Variants in RCAN2 observed in about 807,000 individuals in gnomAD.
The protein encoded by RCAN2 is regulator of calcineurin 2.
RCAN2 carries 9 observed loss-of-function variants against 23.6 expected under a neutral mutation model. That is an observed-to-expected ratio of 0.38 (90% CI 0.23 to 0.67). The LOEUF (loss-of-function observed/expected upper bound fraction) is 0.67, where lower values mean the gene tolerates loss of function less well. RCAN2 is among the 30% of genes least tolerant of loss of function. The probability of loss-of-function intolerance (pLI) is 0.51; values close to 1 mark genes in which losing one functional copy is unlikely to be tolerated. For synonymous variants in RCAN2, 109 were observed against 115.7 expected, an observed-to-expected ratio of 0.94 and a Z score of 0.37; for missense variants, 273 against 302.3, an observed-to-expected ratio of 0.90 and a Z score of 0.72.
At chr6:46,283,958 G>C (rs1229508962) in intron 2 of RCAN2, among the ~76,000 whole-genome samples, 1 of 152,180 alleles carries the variant, frequency 6.6e-6, no homozygotes, top group Non-Finnish European at 1.5e-5. Context: ...AGACCTAGTT[G>C]CTGAATCTAG....
intron 2 of RCAN2, among the ~76,000 whole-genome samples, chr6:46,389,709 C>T (rs540024481): frequency 1.5e-4 from 23 of 152,130 alleles, no homozygotes; most frequent in African/African-American, 3.6e-4. Flanking sequence ...CCTTATAGCC[C>T]GCTTGAGGCT....
intron 2 of RCAN2, among the ~76,000 whole-genome samples, chr6:46,374,933 G>A (rs1168971086): frequency 6.6e-6 from 1 of 152,158 alleles, no homozygotes; most frequent in African/African-American, 2.4e-5. Flanking sequence ...TTGAAATGGT[G>A]TCTTGCTCCG....
chr6:46,431,471 A>G (rs1767203892), intron 2 of RCAN2, among the ~76,000 whole-genome samples: 1 of 152,204 alleles, frequency 6.6e-6, no homozygotes, highest in African/African-American at 2.4e-5. Flanking sequence ...TCAGGGAAAA[A>G]CAATAGAAGT....
chr6:46,483,439 C>A (rs1582238618), intron 1 of RCAN2, among the ~76,000 whole-genome samples: 1 of 152,264 alleles, frequency 6.6e-6, no homozygotes, highest in South Asian at 2.1e-4. Flanking sequence ...GGAAGGAAAT[C>A]TCCTCTCCCC....
chr6:46,491,967 C>T (rs796133270), upstream of RCAN2: 13 of 152,478 alleles, frequency 8.5e-5, no homozygotes, highest in African/African-American at 3.1e-4. Context: ...CGCTGGCGCC[C>T]TCTGGCTGGA....
chr6:46,310,637 C>T (rs1258110510), intron 2 of RCAN2, among the ~76,000 whole-genome samples: 1 of 152,106 alleles, frequency 6.6e-6, no homozygotes, highest in East Asian at 1.9e-4. Flanking sequence ...ATAGTACTGG[C>T]AAATAAATAG....
At chr6:46,377,704 C>T (rs910762522) in intron 2 of RCAN2, among the ~76,000 whole-genome samples, 8 of 152,198 alleles carry the variant, frequency 5.3e-5, no homozygotes, top group African/African-American at 1.9e-4. Flanking sequence ...AAAATTGTAT[C>T]AGTCCTCTCT....
At chr6:46,379,969 G>C (rs1413946573) in intron 2 of RCAN2, among the ~76,000 whole-genome samples, 2 of 152,158 alleles carry the variant, frequency 1.3e-5, no homozygotes, top group African/African-American at 4.8e-5. Context: ...CTTCCAAAAA[G>C]ATGTCTCAAG....
rs137887283 is a variant in RCAN2 at position 46,238,785 on chromosome 6, C to G, written c.571+7963G>C. Among the ~76,000 whole-genome samples, 290 of 152,256 alleles carry G rather than the reference C, an allele frequency of 1.9e-3. 3 individuals are homozygous for G. Among genetic ancestry groups the G allele is most frequent in the African/African-American group, 6.8e-3 (284 of 41,550 alleles). On this transcript the variant is annotated intron_variant, in intron 4 of 4. Transcript: ENST00000371374. ...CCTAGGCTGGTCTCAAACTCCTAGG[C>G]TCAACTGATCCTCCTGCCTTAGCCT...
chr6:46,345,762 A>G (rs1764463803), intron 2 of RCAN2, among the ~76,000 whole-genome samples: 1 of 152,178 alleles, frequency 6.6e-6, no homozygotes, highest in Admixed American at 6.5e-5. Flanking sequence ...ATAAAAATCA[A>G]GTTCTTTCCA....
intron 2 of RCAN2, among the ~76,000 whole-genome samples, chr6:46,287,119 A>G (rs1169196707): frequency 6.6e-6 from 1 of 152,056 alleles, no homozygotes; most frequent in Non-Finnish European, 1.5e-5. Context: ...CATGGTGGAG[A>G]ATGGGAAGAG....
In RCAN2 at chr6:46,238,190, G is replaced by T. The variant is rs189422362; in HGVS notation, c.571+8558C>A. Among the ~76,000 whole-genome samples, 42 of 152,292 alleles carry T rather than the reference G, an allele frequency of 2.8e-4. No homozygotes were observed. In the East Asian group the frequency reaches 7.3e-3, roughly 27 times the overall value. On this transcript the variant is annotated intron_variant, in intron 4 of 4. Transcript: ENST00000371374. ...AAAAAGTGTGTGTGTGTCTGGGAAGGCATAGAGGAGTGAGGAAAGCTGGGA... is the reference window on the plus strand; with the variant it reads ...AAAAAGTGTGTGTGTGTCTGGGAAGTCATAGAGGAGTGAGGAAAGCTGGGA...
intron 2 of RCAN2, among the ~76,000 whole-genome samples, chr6:46,286,589 G>A (rs967309506): frequency 1.3e-5 from 2 of 152,194 alleles, no homozygotes; most frequent in Non-Finnish European, 2.9e-5. Flanking sequence ...AGGCTGGGGT[G>A]GGAGGATTGG....
At chr6:46,455,753 G>A (rs1009049829) in intron 2 of RCAN2, among the ~76,000 whole-genome samples, 7 of 151,682 alleles carry the variant, frequency 4.6e-5, no homozygotes, top group Non-Finnish European at 8.8e-5. Context: ...CTACTCAGGA[G>A]GCTGAAGCAG....
intron 2 of RCAN2, among the ~76,000 whole-genome samples, chr6:46,423,914 T>C (rs1295534031): frequency 6.6e-6 from 1 of 152,204 alleles, no homozygotes; most frequent in Non-Finnish European, 1.5e-5. Flanking sequence ...AGCCCTCTTG[T>C]CTTCTCTATT....
At chr6:46,435,308 GT>G (rs1767334952) in intron 2 of RCAN2, among the ~76,000 whole-genome samples, 1 of 152,140 alleles carries the variant, frequency 6.6e-6, no homozygotes, top group African/African-American at 2.4e-5. Context: ...TTATAATGAT[GT>G]TTCTCTTCCA....
chr6:46,440,279 G>C (rs1226367968), intron 2 of RCAN2, among the ~76,000 whole-genome samples: 1 of 152,094 alleles, frequency 6.6e-6, no homozygotes, highest in Non-Finnish European at 1.5e-5. Flanking sequence ...AAAACCATGT[G>C]GACCTAGATG....
intron 2 of RCAN2, among the ~76,000 whole-genome samples, chr6:46,402,925 GC>G (rs1561891127): frequency 6.6e-6 from 1 of 151,854 alleles, no homozygotes; most frequent in East Asian, 1.9e-4. Flanking sequence ...CAAGCCCTTG[GC>G]CCCTACAACA....
At chr6:46,458,937 G>A (rs1768134336) in intron 1 of RCAN2, among the ~76,000 whole-genome samples, 1 of 152,208 alleles carries the variant, frequency 6.6e-6, no homozygotes, top group South Asian at 2.1e-4. Flanking sequence ...TGTCGCCCAG[G>A]CTGGAGCGCA....
Sources: allele counts gnomAD v4.1 joint callset (sites outside exome capture counted in the v4.1 genomes callset), GRCh38; gene constraint gnomAD v4.1.1; transcripts MANE v1.5; gene names NCBI Gene and HGNC (gene_info 2026-07-23, HGNC 2026-07-21).